Variants in RWDD2B observed in about 807,000 individuals in gnomAD.
RWDD2B encodes the protein RWD domain-containing protein 2B.
A neutral mutation model predicts 33.6 loss-of-function variants in RWDD2B; 36 were observed. The observed-to-expected ratio is 1.07, with a 90% confidence interval of 0.82 to 1.42. RWDD2B has a LOEUF of 1.42. RWDD2B is among the 40% of genes most tolerant of loss of function. RWDD2B has a pLI of 0.00. For synonymous variants in RWDD2B, 126 were observed against 133.1 expected (o/e 0.95, Z 0.37); for missense variants, 364 against 377.5 (o/e 0.96, Z 0.30).
chr21:29,018,078 G>C (rs1261574299), intron 1 of RWDD2B, among the ~76,000 whole-genome samples: 4 of 152,236 alleles, frequency 2.6e-5, no homozygotes, highest in Admixed American at 6.5e-5. Flanking sequence ...GAAAAGTGGG[G>C]TGACCAGATA....
intron 1 of RWDD2B, among the ~76,000 whole-genome samples, chr21:29,015,706 T>G (rs1392083752): frequency 6.6e-6 from 1 of 151,976 alleles, no homozygotes; most frequent in Non-Finnish European, 1.5e-5. Flanking sequence ...ATTTTTTGTA[T>G]TTTTAGTAGA....
chr21:29,012,182 C>CCT (rs1555851480), intron 1 of RWDD2B, among the ~76,000 whole-genome samples: 1 of 141,638 alleles, frequency 7.1e-6, no homozygotes, highest in African/African-American at 2.7e-5. Context: ...GGTCAGCCCC[C>CCT]CCCCGGGAGG....
chr21:29,013,185 T>A (rs1353199353), intron 1 of RWDD2B, among the ~76,000 whole-genome samples: 1 of 152,050 alleles, frequency 6.6e-6, no homozygotes. Flanking sequence ...TATCTGGGAC[T>A]ACAGTCATGC....
intron 1 of RWDD2B, among the ~76,000 whole-genome samples, chr21:29,017,782 G>C (rs2084897510): frequency 6.6e-6 from 1 of 152,158 alleles, no homozygotes; most frequent in South Asian, 2.1e-4. Context: ...TTAAGGAACT[G>C]AAAAAGGAGG....
At chr21:29,018,730 C>T (rs986989947) in intron 1 of RWDD2B, among the ~76,000 whole-genome samples, 1 of 152,198 alleles carries the variant, frequency 6.6e-6, no homozygotes, top group African/African-American at 2.4e-5. Flanking sequence ...ATTGCTCACG[C>T]CTGTAATCCC....
chr21:29,008,470 C>A lies in RWDD2B; in HGVS notation c.219G>T (p.Lys73Asn). ...AVAELKDCIE[K>N]KTMEGRSSKV... ...TTGAAGATCGCCCCTCCATTGTCTT[C>A]TTTTCAATACAATCTTTCAGTTCTG... Residue 73 changes from lysine (K) to asparagine (N), a missense_variant, in exon 2 of 5, where the codon AAG becomes AAT. Physicochemically the swap from Lys to Asn is moderately conservative, Grantham distance 94. Coordinates refer to ENST00000493196, the MANE Select transcript of RWDD2B (RefSeq NM_016940.3). 4 of 1,614,154 alleles carry A rather than the reference C, an allele frequency of 2.5e-6. No individual in the cohort carries two copies. The highest frequency in any genetic ancestry group is 3.4e-6 in the Non-Finnish European group (4 of 1,180,028).
rs549537651 is a variant in RWDD2B at position 29,015,515 on chromosome 21, C to T, written c.67+3696G>A. Among the ~76,000 whole-genome samples the T allele has an allele frequency of 5.3e-5, 8 of 149,882 alleles. No homozygotes were observed. The South Asian group carries it at 8.4e-4, about 16-fold the overall frequency. The stretch of plus-strand genomic sequence containing the variant: ...AAGTGCTGTGATTACAGGTGTGAGC[C>T]GCCACACCTAGTCTTTTTTTTTTTT... On this transcript the variant is annotated intron_variant, in intron 1 of 4. Transcript: ENST00000493196.
intron 1 of RWDD2B, among the ~76,000 whole-genome samples, chr21:29,010,904 G>A (rs533797679): frequency 1.3e-5 from 2 of 152,322 alleles, no homozygotes; most frequent in East Asian, 1.9e-4. Context: ...TCCTAACCGC[G>A]AGTGATCCGC....
At position 29,014,752 on chromosome 21, in the gene RWDD2B, C is replaced by T. The variant is rs2084881454; in HGVS notation, c.67+4459G>A. On this transcript the variant is annotated intron_variant, in intron 1 of 4. Coordinates refer to ENST00000493196, the MANE Select transcript of RWDD2B (RefSeq NM_016940.3). ...AGGAGAATGGCGTGAACCCAGGAGG[C>T]AGAGCTTTCAGTGAGCCGAGATACA... is the stretch of plus-strand genomic sequence containing the variant. Among the ~76,000 whole-genome samples, 9 of 152,256 alleles carry T rather than the reference C, an allele frequency of 5.9e-5. No individual in the cohort carries two copies. In the South Asian group the frequency reaches 1.9e-3, roughly 32 times the overall value.
chr21:29,012,286 C>T (rs1169433727), intron 1 of RWDD2B, among the ~76,000 whole-genome samples: 2 of 152,070 alleles, frequency 1.3e-5, no homozygotes, highest in Non-Finnish European at 2.9e-5. Flanking sequence ...CAACAGCTCA[C>T]TGAGAACGGG....
In RWDD2B at chr21:29,005,995, T is replaced by C. The variant is rs1459913756; in HGVS notation, c.*422A>G. 1 of 153,844 alleles carries C rather than the reference T, an allele frequency of 6.5e-6. No individual in the cohort carries two copies. The highest frequency in any genetic ancestry group is 1.9e-4 in the East Asian group (1 of 5,224). The allele number at this position is 153,844 out of a possible 1,614,324, so 9.5% of individuals were successfully genotyped here. On this transcript the variant is annotated 3_prime_UTR_variant, in exon 5 of 5. Transcript: ENST00000493196. Reference sequence around the variant, plus strand: ...CAGGAAGTAAAAGTTTTCCCAGAATTCCCAAGGCCAAAGCTGTGTCCTGAG... The same window carrying C: ...CAGGAAGTAAAAGTTTTCCCAGAATCCCCAAGGCCAAAGCTGTGTCCTGAG...
chr21:29,013,831 A>C (rs2084876844), intron 1 of RWDD2B, among the ~76,000 whole-genome samples: 1 of 152,150 alleles, frequency 6.6e-6, no homozygotes, highest in African/African-American at 2.4e-5. Flanking sequence ...GCCAAGCAAG[A>C]TCTTTAAAAT....
rs1422778459 is a variant in RWDD2B at position 29,008,432 on chromosome 21, G to C, written c.257C>G (p.Thr86Ser). 1 of 1,614,172 alleles carries C rather than the reference G, an allele frequency of 6.2e-7. No individual in the cohort carries two copies. The highest frequency in any genetic ancestry group is 8.5e-7 in the Non-Finnish European group (1 of 1,180,010). Residue 86 changes from threonine (T) to serine (S), a missense_variant, in exon 2 of 5, where the codon ACT becomes AGT. Thr to Ser is a moderately conservative substitution (Grantham distance 58). Coordinates refer to ENST00000493196, the MANE Select transcript of RWDD2B (RefSeq NM_016940.3). ...MEGRSSKVYF[T>S]INMNLDVSDE... ...AGATACATCCAGGTTCATATTGATAGTAAAGTAGACTTTTGAAGATCGCCC... is the reference window on the plus strand; with the variant it reads ...AGATACATCCAGGTTCATATTGATACTAAAGTAGACTTTTGAAGATCGCCC...
At chr21:29,019,011 C>T (rs2084902804) in intron 1 of RWDD2B, among the ~76,000 whole-genome samples, 200 bp downstream of exon 1, 3 of 152,162 alleles carry the variant, frequency 2.0e-5, no homozygotes, top group African/African-American at 4.8e-5. Flanking sequence ...CCCTGATTGC[C>T]CCCGGGGCGA....
chr21:29,018,368 CA>C (rs1176908839), intron 1 of RWDD2B, among the ~76,000 whole-genome samples: 1 of 152,182 alleles, frequency 6.6e-6, no homozygotes, highest in Non-Finnish European at 1.5e-5. Context: ...AGAGGTCTAG[CA>C]GGCAGTTAGA....
chr21:29,009,868 A>G lies in RWDD2B; in HGVS notation c.68-1247T>C, dbSNP rs538475938. On this transcript the variant is annotated intron_variant, in intron 1 of 4. Coordinates refer to ENST00000493196, the MANE Select transcript of RWDD2B (RefSeq NM_016940.3). ...ACAATGTGAGATATATACAGTATAC[A>G]TATTTAAATCCAAAGGGGATAATAT... Among the ~76,000 whole-genome samples the G allele has an allele frequency of 5.9e-5, 9 of 152,340 alleles. No individual in the cohort carries two copies. In the East Asian group the frequency reaches 1.7e-3, roughly 29 times the overall value.
intron 1 of RWDD2B, among the ~76,000 whole-genome samples, chr21:29,008,868 C>T (rs2084843101): frequency 6.6e-6 from 1 of 152,178 alleles, no homozygotes; most frequent in Admixed American, 6.6e-5. Flanking sequence ...AGTAAGTAGA[C>T]ACCACATTCT....
chr21:29,019,014 C>T (rs2084902820), intron 1 of RWDD2B, among the ~76,000 whole-genome samples, 197 bp downstream of exon 1: 1 of 152,136 alleles, frequency 6.6e-6, no homozygotes, highest in South Asian at 2.1e-4. Context: ...TGATTGCCCC[C>T]GGGGCGAGGT....
chr21:29,008,190 T>A, intron 3 of RWDD2B, 50 bp downstream of exon 3: 1 of 1,610,236 alleles, frequency 6.2e-7, no homozygotes, highest in Non-Finnish European at 8.5e-7. Flanking sequence ...TTGCTTTTAT[T>A]CTCAGATTAA....
Sources: allele counts gnomAD v4.1 joint callset (sites outside exome capture counted in the v4.1 genomes callset), GRCh38; gene constraint gnomAD v4.1.1; transcripts MANE v1.5; gene names NCBI Gene and HGNC (gene_info 2026-07-23, HGNC 2026-07-21).